The following ZC3HAV1 variants were observed in gnomAD, a reference collection of about 807,000 sequenced individuals.
The protein encoded by ZC3HAV1 is zinc finger CCCH-type antiviral protein 1.
ZC3HAV1 carries 41 observed loss-of-function variants against 86.6 expected under a neutral mutation model. The observed-to-expected ratio is 0.47, with a 90% confidence interval of 0.37 to 0.61. The LOEUF (loss-of-function observed/expected upper bound fraction) is 0.61. ZC3HAV1 is among the 20% of genes least tolerant of loss of function. ZC3HAV1 has a pLI of 0.00. For synonymous variants in ZC3HAV1, 421 were observed against 432.1 expected (o/e 0.97, Z 0.32); for missense variants, 964 against 1,141.1 (o/e 0.84, Z 2.24).
chr7:139,049,656 T>G (rs1816066849), intron 12 of ZC3HAV1: 1 of 152,964 alleles, frequency 6.5e-6, no homozygotes, highest in South Asian at 2.1e-4. Flanking sequence ...TTTGTGCGCC[T>G]GAATATCCTC....
At chr7:139,088,748 C>T (rs1305079392) in intron 2 of ZC3HAV1, among the ~76,000 whole-genome samples, 1 of 152,204 alleles carries the variant, frequency 6.6e-6, no homozygotes, top group African/African-American at 2.4e-5. Context: ...ACTCAACTCA[C>T]CCTTGCAGGG....
At chr7:139,097,415 TATATATATATATA>T (rs1407176790) in intron 1 of ZC3HAV1, among the ~76,000 whole-genome samples, 46 of 79,996 alleles carry the variant, frequency 5.8e-4, no homozygotes, top group South Asian at 1.0e-3. Flanking sequence ...TATATATATA[TATATATATATATA>T]TTTTTTTTTT....
intron 9 of ZC3HAV1, among the ~76,000 whole-genome samples, chr7:139,055,917 T>G (rs1297458709): frequency 5.9e-5 from 9 of 152,206 alleles, no homozygotes; most frequent in Non-Finnish European, 1.0e-4. Context: ...ATCAGATGAA[T>G]AGTATAGTGG....
At chr7:139,063,798 T>C (rs1327419618) in intron 8 of ZC3HAV1, among the ~76,000 whole-genome samples, 1 of 151,838 alleles carries the variant, frequency 6.6e-6, no homozygotes, top group Non-Finnish European at 1.5e-5. Flanking sequence ...TCCTATCTAG[T>C]TTTCATAATC....
At chr7:139,084,142 ACC>A in intron 2 of ZC3HAV1, 110 bp from the exon 3 acceptor site, 1 of 1,412,460 alleles carries the variant, frequency 7.1e-7, no homozygotes, top group African/African-American at 1.4e-5. Context: ...GCAGAGATAT[ACC>A]AAAGGGGGAA....
rs531299577 is a variant in ZC3HAV1 at position 139,057,969 on chromosome 7, T to C, written c.2097-2674A>G. The stretch of plus-strand genomic sequence containing the variant: ...AGGTCAGGTTTCCATTCTGGATTTG[T>C]ATAACATGGGATAGACTGAATGAAT... On this transcript the variant is annotated intron_variant, in intron 9 of 12. Transcript: ENST00000242351. Among the ~76,000 whole-genome samples the C allele has an allele frequency of 4.6e-5, 7 of 152,324 alleles. No homozygotes were observed. In the South Asian group the frequency reaches 1.4e-3, roughly 32 times the overall value.
rs144285755 is a variant in ZC3HAV1, at chr7:139,079,798, T to C, written c.1143A>G (p.Leu381=). Residue 381 remains leucine, a synonymous_variant, in exon 4 of 13, where the codon CTA becomes CTG. Coordinates refer to ENST00000242351, the MANE Select transcript of ZC3HAV1 (RefSeq NM_020119.4). ...AGCCAAGAGAAGAGCGGGCGGCAGG[T>C]AGCGTGGGAGAAAACACAGTCTTTC... ...ARRKTVFSPT[L]PAARSSLGSL... is the part of the protein sequence containing the mutation. 7.7e-5 allele frequency: 125 copies of C among 1,614,080 alleles called. No homozygotes were observed. The African/African-American group carries it at 1.5e-3, about 19-fold the overall frequency.
chr7:139,100,461 G>T (rs967661788), intron 1 of ZC3HAV1, among the ~76,000 whole-genome samples: 5 of 151,920 alleles, frequency 3.3e-5, no homozygotes, highest in Admixed American at 6.5e-5. Context: ...GTGAACCCAG[G>T]AGGCGGAGAC....
intron 12 of ZC3HAV1, among the ~76,000 whole-genome samples, chr7:139,051,565 C>A (rs1282385941): frequency 1.3e-5 from 2 of 151,974 alleles, no homozygotes; most frequent in Non-Finnish European, 2.9e-5. Flanking sequence ...TGCCATCATG[C>A]CCAGGTAATT....
intron 12 of ZC3HAV1, among the ~76,000 whole-genome samples, chr7:139,050,270 A>G (rs909574096): frequency 1.3e-5 from 2 of 151,982 alleles, no homozygotes; most frequent in Non-Finnish European, 2.9e-5. Flanking sequence ...CAGTTTTTTT[A>G]TATCACACTT....
Position 139,073,886 on chromosome 7 carries a change from T to C in ZC3HAV1, c.1842A>G (p.Glu614=), listed in dbSNP as rs771581597. The change falls in exon 7 of 13, where the codon GAA becomes GAG. Residue 614 remains glutamate, a synonymous_variant. Coordinates refer to ENST00000242351, the MANE Select transcript of ZC3HAV1 (RefSeq NM_020119.4). ...TTKWIWYWKN[E]SGTWIQYGEE... ...CTCCATACTGAATCCATGTGCCAGA[T>C]TCATTCTTCCAATACCAAATCCATT... 6.2e-7 allele frequency: 1 copy of C among 1,613,542 alleles called. No individual in the cohort carries two copies. The highest frequency in any genetic ancestry group is 1.7e-5 in the Admixed American group (1 of 60,004).
At chr7:139,088,310 A>T (rs997180104) in intron 2 of ZC3HAV1, among the ~76,000 whole-genome samples, 10 of 152,208 alleles carry the variant, frequency 6.6e-5, no homozygotes, top group Non-Finnish European at 1.2e-4. Context: ...CCCAAGTTTT[A>T]GGTAGACACA....
At chr7:139,066,905 C>T (rs947968542) in intron 7 of ZC3HAV1, among the ~76,000 whole-genome samples, 2 of 152,118 alleles carry the variant, frequency 1.3e-5, no homozygotes, top group Admixed American at 1.3e-4. Context: ...TGTGAGTGCC[C>T]CAGAGATCAT....
chr7:139,059,132 C>A (rs576173660), intron 9 of ZC3HAV1, among the ~76,000 whole-genome samples: 164 of 152,272 alleles, frequency 1.1e-3, no homozygotes, highest in African/African-American at 3.9e-3. Flanking sequence ...TGATCTCATT[C>A]ATTGGCTGAA....
chr7:139,063,723 CAAAA>C (rs57944873), intron 8 of ZC3HAV1, among the ~76,000 whole-genome samples: 2 of 73,952 alleles, frequency 2.7e-5, no homozygotes, highest in Admixed American at 1.3e-4. Flanking sequence ...GACCCTGTCT[CAAAA>C]AAAAAAAAAA....
rs776313383 is a variant in ZC3HAV1 at position 139,080,031 on chromosome 7, C to A, written c.910G>T (p.Asp304Tyr). 6.2e-7 allele frequency: 1 copy of A among 1,614,158 alleles called. No homozygotes were observed. Among genetic ancestry groups the A allele is most frequent in the Non-Finnish European group, 8.5e-7 (1 of 1,180,034 alleles). ...GAGCCTGAGGGAGGCCGAGCGCGAT[C>A]CTGACTCCCCAGATACGTGAACTTG... is the stretch of plus-strand genomic sequence containing the variant. ...TRKFTYLGSQ[D>Y]RARPPSGSSK... Residue 304 changes from aspartate to tyrosine, a missense_variant, in exon 4 of 13, where the codon GAT (aspartate) becomes TAT (tyrosine). Asp to Tyr is a radical substitution (Grantham distance 160). Transcript: ENST00000242351.
At chr7:139,084,368 C>G (rs1375235898) in intron 2 of ZC3HAV1, among the ~76,000 whole-genome samples, 1 of 152,246 alleles carries the variant, frequency 6.6e-6, no homozygotes, top group Admixed American at 6.5e-5. Context: ...GTTATCAACT[C>G]ACTTTGCAAT....
At position 139,046,609 on chromosome 7, in the gene ZC3HAV1, G is replaced by C. The variant is rs1342477936; in HGVS notation, c.*985C>G. ...AGCTCTTATTACCGCATTCCAGAGA[G>C]AGTCAACCTGGATGGAGTTTGTCCC... On this transcript the variant is annotated 3_prime_UTR_variant, in exon 13 of 13. Transcript: ENST00000242351. 1 of 152,218 alleles carries C rather than the reference G, an allele frequency of 6.6e-6. No homozygotes were observed. The highest frequency in any genetic ancestry group is 2.4e-5 in the African/African-American group (1 of 41,454). The allele number at this position is 152,218 out of a possible 1,614,324, so 9.4% of individuals were successfully genotyped here.
chr7:139,108,825 G>C lies in ZC3HAV1; in HGVS notation c.308+199C>G, dbSNP rs954617059. ...TCTCGAGAAAATGTCTGGAGGTGCCGGAAGGAAGGGAACTGCAAAGGTAGA... is the reference window on the plus strand; with the variant it reads ...TCTCGAGAAAATGTCTGGAGGTGCCCGAAGGAAGGGAACTGCAAAGGTAGA... On this transcript the variant is annotated intron_variant, in intron 1 of 12. Coordinates refer to ENST00000242351, the MANE Select transcript of ZC3HAV1 (RefSeq NM_020119.4). This position sits in a 1 kb window ranked among gnomAD's most constrained non-coding sequence, Gnocchi z 4.2. Among the ~76,000 whole-genome samples, 2 of 152,198 alleles carry C rather than the reference G, an allele frequency of 1.3e-5. No homozygotes were observed. The highest frequency in any genetic ancestry group is 2.4e-5 in the African/African-American group (1 of 41,460).
Sources: allele counts gnomAD v4.1 joint callset (sites outside exome capture counted in the v4.1 genomes callset), GRCh38; gene constraint gnomAD v4.1.1; non-coding constraint Gnocchi (gnomAD v3.1); transcripts MANE v1.5; gene names NCBI Gene and HGNC (gene_info 2026-07-23, HGNC 2026-07-21).